Variants in LRRN3 observed in about 807,000 individuals in gnomAD.
The protein encoded by LRRN3 is leucine rich repeat neuronal 3.
Under a neutral mutation model 40.1 loss-of-function variants are expected in LRRN3, and 15 were observed. The observed-to-expected ratio is 0.37, with a 90% CI of 0.25 to 0.58. The LOEUF (loss-of-function observed/expected upper bound fraction) is 0.58, where lower values mean the gene tolerates loss of function less well. Among genes scored for constraint, LRRN3 ranks in the 20% least tolerant of loss-of-function variants. The probability of loss-of-function intolerance (pLI) is 0.72; values close to 1 mark genes in which losing one functional copy is unlikely to be tolerated. For synonymous variants in LRRN3, 308 were observed against 297.2 expected (o/e 1.04, Z -0.37); for missense variants, 746 against 837.7 (o/e 0.89, Z 1.35).
intron 2 of LRRN3, among the ~76,000 whole-genome samples, chr7:111,101,631 T>C (rs995595664): frequency 6.6e-6 from 1 of 151,474 alleles, no homozygotes; most frequent in African/African-American, 2.4e-5. Context: ...CTGTCTTGTA[T>C]ATTTCCTGTG....
chr7:111,118,704 C>T (rs1290857198), intron 2 of LRRN3, among the ~76,000 whole-genome samples: 1 of 152,030 alleles, frequency 6.6e-6, no homozygotes, highest in African/African-American at 2.4e-5. Context: ...GCAAATAGCC[C>T]ATACTAAATA....
chr7:111,094,919 T>C (rs1197627721), intron 1 of LRRN3, among the ~76,000 whole-genome samples: 6 of 152,222 alleles, frequency 3.9e-5, no homozygotes, highest in Middle Eastern at 3.4e-3. Context: ...ATAGATGCTA[T>C]TTAGAGGTCA....
At chr7:111,100,471 G>T (rs1432101538) in intron 2 of LRRN3, among the ~76,000 whole-genome samples, 1 of 148,132 alleles carries the variant, frequency 6.8e-6, no homozygotes, top group Non-Finnish European at 1.5e-5. Context: ...AACATATACA[G>T]ATTTAAAATA....
At position 111,123,487 on chromosome 7, in the gene LRRN3, G is replaced by C. The variant is rs1258995982; in HGVS notation, c.715G>C (p.Glu239Gln). ...DNALVGLENL[E>Q]SISFYDNRLI... ...CGCCTTGGTTGGACTGGAAAACTTAGAAAGCATCTCTTTTTACGATAACAG... is the reference window on the plus strand; with the variant it reads ...CGCCTTGGTTGGACTGGAAAACTTACAAAGCATCTCTTTTTACGATAACAG... The change falls in exon 3 of 3, where the codon GAA (glutamate) becomes CAA (glutamine). Residue 239 changes from glutamate (E) to glutamine (Q), a missense_variant. Coordinates refer to ENST00000308478, the MANE Select transcript of LRRN3 (RefSeq NM_001099658.2). The surrounding 1 kb of genome is among the most constrained non-coding windows in gnomAD (Gnocchi z 6.4). 1 of 1,613,856 alleles carries C rather than the reference G, an allele frequency of 6.2e-7. No individual in the cohort carries two copies. The highest frequency in any genetic ancestry group is 2.2e-5 in the East Asian group (1 of 44,846).
At chr7:111,101,437 C>T (rs1317308809) in intron 2 of LRRN3, among the ~76,000 whole-genome samples, 1 of 151,366 alleles carries the variant, frequency 6.6e-6, no homozygotes, top group East Asian at 1.9e-4. Flanking sequence ...GTGAGAGTAA[C>T]ACCTAAGAAT....
At chr7:111,101,136 A>G (rs944560926) in intron 2 of LRRN3, among the ~76,000 whole-genome samples, 7 of 151,504 alleles carry the variant, frequency 4.6e-5, no homozygotes, top group African/African-American at 1.7e-4. Flanking sequence ...CATCATATTT[A>G]GTTTTTAAGC....
In LRRN3 at chr7:111,123,390, G is replaced by A; in HGVS notation, c.618G>A (p.Met206Ile). The A allele has an allele frequency of 1.2e-6, 2 of 1,613,722 alleles. No individual in the cohort carries two copies. The part of the protein sequence containing the change: ...GENPIIRIKD[M>I]NFKPLINLRS... ...ATCCAATTATCAGAATCAAAGACAT[G>A]AACTTTAAGCCTCTTATCAATCTTC... The change falls in exon 3 of 3, where the codon ATG becomes ATA. Residue 206 changes from methionine (M) to isoleucine (I), a missense_variant. Physicochemically the swap from Met to Ile is conservative, Grantham distance 10. Transcript: ENST00000308478. The surrounding 1 kb of genome is among the most constrained non-coding windows in gnomAD (Gnocchi z 6.4).
At chr7:111,107,985 G>C (rs1798740529) in intron 2 of LRRN3, among the ~76,000 whole-genome samples, 1 of 152,104 alleles carries the variant, frequency 6.6e-6, no homozygotes, top group Non-Finnish European at 1.5e-5. Context: ...ATATTGTCTT[G>C]ATTTGCATCA....
intron 1 of LRRN3, chr7:111,097,233 T>A (rs1415645943): frequency 6.6e-6 from 1 of 151,834 alleles, no homozygotes; most frequent in Admixed American, 6.6e-5. Context: ...TCCCAACTGG[T>A]ACAAAACAGG....
intron 2 of LRRN3, among the ~76,000 whole-genome samples, chr7:111,114,744 AAAAAAAAAAGAAAGAAAG>A (rs2129584996): frequency 6.6e-6 from 1 of 152,006 alleles, no homozygotes; most frequent in South Asian, 2.1e-4. Flanking sequence ...ATCTCAAAAA[AAAAAAAAAAGAAAGAAAG>A]AAAAAAAAAG....
chr7:111,123,990 T>A lies in LRRN3; in HGVS notation c.1218T>A (p.Asn406Lys). ...ACCCACCTGAATTCCAAGGTCAGAA[T>A]GTTCGGCAAGTGCATTTCAGGGACA... Reference protein sequence around the residue: ...CVDPPEFQGQNVRQVHFRDMM... With the variant: ...CVDPPEFQGQKVRQVHFRDMM... Residue 406 changes from asparagine to lysine, a missense_variant, in exon 3 of 3, where the codon AAT (asparagine) becomes AAA (lysine). Coordinates refer to ENST00000308478, the MANE Select transcript of LRRN3 (RefSeq NM_001099658.2). This position sits in a 1 kb window ranked among gnomAD's most constrained non-coding sequence, Gnocchi z 6.4. The A allele has an allele frequency of 6.2e-7, 1 of 1,614,094 alleles. No individual in the cohort carries two copies.
chr7:111,108,703 A>T (rs1798828951), intron 2 of LRRN3, among the ~76,000 whole-genome samples: 1 of 152,120 alleles, frequency 6.6e-6, no homozygotes, highest in Admixed American at 6.6e-5. Context: ...AAAAAAACAT[A>T]TTTATTTCTG....
rs142475039 is a variant in LRRN3, at chr7:111,122,899, C to A, written c.127C>A (p.Pro43Thr). 6.8e-6 allele frequency: 11 copies of A among 1,613,986 alleles called. No homozygotes were observed. Among genetic ancestry groups the A allele is most frequent in the Non-Finnish European group, 9.3e-6 (11 of 1,179,942 alleles). The change falls in exon 3 of 3, where the codon CCC becomes ACC. Residue 43 changes from proline (P) to threonine (T), a missense_variant. Coordinates refer to ENST00000308478, the MANE Select transcript of LRRN3 (RefSeq NM_001099658.2). Reference protein sequence around the residue: ...CTCEIRPWFTPRSIYMEASTV... With the variant: ...CTCEIRPWFTTRSIYMEASTV... ...GTGTGAAATCAGGCCTTGGTTTACA[C>A]CCAGATCCATTTATATGGAAGCATC...
chr7:111,123,583 C>T lies in LRRN3; in HGVS notation c.811C>T (p.Pro271Ser), dbSNP rs749025028. The change falls in exon 3 of 3, where the codon CCT becomes TCT. Residue 271 changes from proline to serine, a missense_variant. Physicochemically the swap from Pro to Ser is moderately conservative, Grantham distance 74. Coordinates refer to ENST00000308478, the MANE Select transcript of LRRN3 (RefSeq NM_001099658.2). This position sits in a 1 kb window ranked among gnomAD's most constrained non-coding sequence, Gnocchi z 6.4. Reference protein sequence around the residue: ...NLKFLDLNKNPINRIRRGDFS... With the variant: ...NLKFLDLNKNSINRIRRGDFS... Reference sequence around the variant, plus strand: ...CAAATTTTTGGATCTAAATAAAAATCCTATTAATAGAATACGAAGGGGTGA... The same window carrying T: ...CAAATTTTTGGATCTAAATAAAAATTCTATTAATAGAATACGAAGGGGTGA... 16 of 1,613,084 alleles carry T rather than the reference C, an allele frequency of 9.9e-6. No homozygotes were observed. The East Asian group carries it at 3.3e-4, about 34-fold the overall frequency.
chr7:111,094,116 G>T (rs1316684432), intron 1 of LRRN3, among the ~76,000 whole-genome samples: 2 of 151,994 alleles, frequency 1.3e-5, no homozygotes, highest in Non-Finnish European at 2.9e-5. Context: ...CCATGTGATG[G>T]GTTTGATGTT....
chr7:111,107,373 T>C (rs1798667535), intron 2 of LRRN3, among the ~76,000 whole-genome samples: 1 of 152,076 alleles, frequency 6.6e-6, no homozygotes, highest in South Asian at 2.1e-4. Context: ...GTAAACAGTT[T>C]AGATTCAACT....
At chr7:111,121,945 G>T (rs1329290383) in intron 2 of LRRN3, among the ~76,000 whole-genome samples, 1 of 152,064 alleles carries the variant, frequency 6.6e-6, no homozygotes, top group Non-Finnish European at 1.5e-5. Context: ...GGATGAAGCT[G>T]GAAATCATCA....
At chr7:111,102,941 A>T (rs1338950627) in intron 2 of LRRN3, among the ~76,000 whole-genome samples, 1 of 151,528 alleles carries the variant, frequency 6.6e-6, no homozygotes, top group East Asian at 1.9e-4. Flanking sequence ...TTAAAAGACC[A>T]TATAGTATAG....
intron 2 of LRRN3, among the ~76,000 whole-genome samples, chr7:111,112,679 C>T (rs920995928): frequency 6.6e-6 from 1 of 152,152 alleles, no homozygotes; most frequent in Non-Finnish European, 1.5e-5. Context: ...AGGAAACAAA[C>T]CACAGAGCAT....
Sources: allele counts gnomAD v4.1 joint callset (sites outside exome capture counted in the v4.1 genomes callset), GRCh38; gene constraint gnomAD v4.1.1; non-coding constraint Gnocchi (gnomAD v3.1); transcripts MANE v1.5; gene names NCBI Gene and HGNC (gene_info 2026-07-23, HGNC 2026-07-21).